Variants in LPP observed in about 807,000 individuals in gnomAD.
LPP encodes LIM domain containing preferred translocation partner in lipoma.
A neutral mutation model predicts 60.4 loss-of-function variants in LPP; 38 were observed. The observed-to-expected ratio is 0.63, with a 90% CI of 0.49 to 0.83. LPP has a LOEUF of 0.83. Among genes scored for constraint, LPP ranks in the 40% least tolerant of loss-of-function variants. The pLI is 0.00. For synonymous variants in LPP, 328 were observed against 290.8 expected, an observed-to-expected ratio of 1.13 and a Z score of -1.30; for missense variants, 902 against 783.6, an observed-to-expected ratio of 1.15 and a Z score of -1.80.
intron 4 of LPP, among the ~76,000 whole-genome samples, chr3:188,426,638 G>A (rs1344335513): frequency 6.6e-6 from 1 of 152,138 alleles, no homozygotes; most frequent in Non-Finnish European, 1.5e-5. Context: ...GGGTGCTCCT[G>A]TATTGGGTGC....
intron 2 of LPP, among the ~76,000 whole-genome samples, chr3:188,339,229 T>A (rs1762432526): frequency 6.6e-6 from 1 of 152,062 alleles, no homozygotes; most frequent in Non-Finnish European, 1.5e-5. Flanking sequence ...TAGAGTGGGA[T>A]TTGTCAGTTG....
At chr3:188,314,883 A>G (rs1754585222) in intron 2 of LPP, among the ~76,000 whole-genome samples, 1 of 152,198 alleles carries the variant, frequency 6.6e-6, no homozygotes, top group African/African-American at 2.4e-5. Context: ...GTTTGATAAC[A>G]TTTACATGGG....
intron 4 of LPP, among the ~76,000 whole-genome samples, chr3:188,474,130 G>T (rs969954433): frequency 1.3e-5 from 2 of 152,172 alleles, no homozygotes; most frequent in Non-Finnish European, 2.9e-5. Flanking sequence ...TGTCTCAAGA[G>T]TTCTATTCAA....
chr3:188,396,112 A>G (rs1216922347), intron 3 of LPP, among the ~76,000 whole-genome samples: 2 of 152,168 alleles, frequency 1.3e-5, no homozygotes, highest in Non-Finnish European at 2.9e-5. Context: ...TGTTGCTATG[A>G]TTACTCTTAG....
At chr3:188,304,255 GAGTGT>G (rs1750820970) in intron 2 of LPP, among the ~76,000 whole-genome samples, 1 of 152,156 alleles carries the variant, frequency 6.6e-6, no homozygotes, top group African/African-American at 2.4e-5. Context: ...CTCCAATTCA[GAGTGT>G]AGTGTAATGC....
intron 6 of LPP, among the ~76,000 whole-genome samples, chr3:188,581,811 A>G (rs900846321): frequency 6.6e-6 from 1 of 152,128 alleles, no homozygotes; most frequent in Non-Finnish European, 1.5e-5. Flanking sequence ...GGTAACTCCT[A>G]TTCTACTTTT....
At chr3:188,399,030 T>C (rs1272643313) in intron 3 of LPP, among the ~76,000 whole-genome samples, 1 of 152,254 alleles carries the variant, frequency 6.6e-6, no homozygotes, top group Non-Finnish European at 1.5e-5. Flanking sequence ...TGGCGTTGGC[T>C]ACTTGTAAAG....
chr3:188,166,242 C>T lies in LPP; in HGVS notation c.-190+11990C>T, dbSNP rs187191120. Among the ~76,000 whole-genome samples the T allele has an allele frequency of 3.9e-3, 595 of 151,284 alleles. 6 individuals are homozygous for T. Among genetic ancestry groups the T allele is most frequent in the African/African-American group, 0.014 (581 of 41,134 alleles). On this transcript the variant is annotated intron_variant, in intron 1 of 11. Transcript: ENST00000617246. Reference sequence around the variant, plus strand: ...GAAAAGAGACTTATAACAGTCTTATCTGGGAATGCTTTATCCATTTGGCTC... The same window carrying T: ...GAAAAGAGACTTATAACAGTCTTATTTGGGAATGCTTTATCCATTTGGCTC...
chr3:188,676,443 A>C (rs1858117334), intron 7 of LPP, among the ~76,000 whole-genome samples: 1 of 152,036 alleles, frequency 6.6e-6, no homozygotes, highest in Admixed American at 6.6e-5. Flanking sequence ...GAATGGGATT[A>C]ATGCATCTCC....
intron 9 of LPP, among the ~76,000 whole-genome samples, chr3:188,763,085 C>G (rs1732934265): frequency 6.6e-6 from 1 of 152,102 alleles, no homozygotes; most frequent in Non-Finnish European, 1.5e-5. Flanking sequence ...AAGGAGAATC[C>G]TAGAACTATG....
intron 6 of LPP, among the ~76,000 whole-genome samples, chr3:188,607,232 T>C (rs1436674256): frequency 3.3e-5 from 5 of 151,236 alleles, no homozygotes; most frequent in African/African-American, 4.9e-5. Context: ...CATTGCTTTC[T>C]TCTAGGAAAT....
chr3:188,872,704 G>A lies in LPP; in HGVS notation c.1651G>A (p.Glu551Lys). Residue 551 changes from glutamate to lysine, a missense_variant, in exon 11 of 12, where the codon GAG becomes AAG. Coordinates refer to ENST00000617246, the MANE Select transcript of LPP (RefSeq NM_001375462.1). ...TATTATGCCAGCCCCGGGCCAGGAGGAGACTGTCCGTATTGTGGCTTTGGA... is the reference window on the plus strand; with the variant it reads ...TATTATGCCAGCCCCGGGCCAGGAGAAGACTGTCCGTATTGTGGCTTTGGA... ...EPIMPAPGQE[E>K]TVRIVALDRD... 1 of 1,614,174 alleles carries A rather than the reference G, an allele frequency of 6.2e-7. No individual in the cohort carries two copies. The highest frequency in any genetic ancestry group is 2.2e-5 in the East Asian group (1 of 44,874).
chr3:188,381,947 ATT>A (rs56823666), intron 3 of LPP, among the ~76,000 whole-genome samples: 1 of 144,026 alleles, frequency 6.9e-6, no homozygotes. Context: ...ACACCCAGCT[ATT>A]TTTTTTTTTT....
intron 1 of LPP, among the ~76,000 whole-genome samples, chr3:188,159,498 A>G (rs13082291): frequency 0.12 from 18,883 of 152,276 alleles, 1,529 homozygotes; most frequent in Non-Finnish European, 0.18. Flanking sequence ...CCTCCTCTCC[A>G]CTTTAAAATA....
At chr3:188,818,813 G>C (rs1753167774) in intron 9 of LPP, among the ~76,000 whole-genome samples, 1 of 152,148 alleles carries the variant, frequency 6.6e-6, no homozygotes, top group South Asian at 2.1e-4. Flanking sequence ...CGTTATATAT[G>C]TGAAGTGCCC....
At chr3:188,616,440 T>C (rs1015779869) in intron 7 of LPP, among the ~76,000 whole-genome samples, 24 of 152,220 alleles carry the variant, frequency 1.6e-4, no homozygotes, top group Admixed American at 1.4e-3. Context: ...GTTTCATTGG[T>C]CTATATGTCT....
intron 1 of LPP, among the ~76,000 whole-genome samples, chr3:188,213,677 T>G (rs1210221505): frequency 6.6e-6 from 1 of 152,166 alleles, no homozygotes; most frequent in Non-Finnish European, 1.5e-5. Flanking sequence ...TTTACTTACC[T>G]TTCCCTTCTT....
chr3:188,481,100 G>C (rs976507067), intron 4 of LPP, among the ~76,000 whole-genome samples: 5 of 152,158 alleles, frequency 3.3e-5, no homozygotes, highest in Admixed American at 1.3e-4. Flanking sequence ...CTATGAAAAT[G>C]ATGAGCTCTG....
chr3:188,711,211 C>G (rs1866564611), intron 8 of LPP: 1 of 152,122 alleles, frequency 6.6e-6, no homozygotes, highest in Non-Finnish European at 1.5e-5. Context: ...GATGAATAAC[C>G]ATTTGAGAAT....
Sources: allele counts gnomAD v4.1 joint callset (sites outside exome capture counted in the v4.1 genomes callset), GRCh38; gene constraint gnomAD v4.1.1; transcripts MANE v1.5; gene names NCBI Gene and HGNC (gene_info 2026-07-23, HGNC 2026-07-21).